Variants in GTF2H3 observed in about 807,000 individuals in gnomAD.
GTF2H3 encodes general transcription factor IIH subunit 3, also known as TFIIH basal transcription factor complex p34 subunit.
In GTF2H3, 42 loss-of-function variants were observed where a neutral mutation model predicts 51.1. The ratio of observed to expected loss-of-function variants is 0.82; its 90% CI spans 0.64 to 1.06. The LOEUF is 1.06. Ranked by LOEUF, GTF2H3 falls within the 50% of genes least tolerant of loss-of-function variation. The probability of loss-of-function intolerance (pLI) is 0.00; values close to 1 mark genes in which losing one functional copy is unlikely to be tolerated. For missense variants in GTF2H3, 326 were observed against 366.1 expected (o/e 0.89, Z 0.89); for synonymous variants, 123 against 123.8 (o/e 0.99, Z 0.04).
At chr12:123,634,548 G>A (rs1460016988) in intron 1 of GTF2H3, among the ~76,000 whole-genome samples, 1 of 152,222 alleles carries the variant, frequency 6.6e-6, no homozygotes, top group East Asian at 1.9e-4. Context: ...GATTGAGGAG[G>A]AGCTGTTTTA....
Position 123,661,576 on chromosome 12 carries a change from G to C in GTF2H3, c.*1341G>C, listed in dbSNP as rs1955658040. The C allele has an allele frequency of 6.6e-6, 1 of 150,396 alleles. No homozygotes were observed. The highest frequency in any genetic ancestry group is 1.5e-5 in the Non-Finnish European group (1 of 68,052). The allele number at this position is 150,396 out of a possible 1,614,324, so 9.3% of individuals were successfully genotyped here. On this transcript the variant is annotated 3_prime_UTR_variant, in exon 13 of 13. Transcript: ENST00000543341. ...GAATTGCTTGAATCCAGGAGGCAGA[G>C]GTTGCAGTGAGCCAAGATAGCGCCT...
intron 2 of GTF2H3, 80 bp from the exon 3 acceptor site, chr12:123,645,375 G>A (rs1955431896): frequency 1.5e-5 from 12 of 787,368 alleles, no homozygotes; most frequent in Non-Finnish European, 2.6e-5. Context: ...CAGCCTAAAC[G>A]ACATCTTAAT....
At chr12:123,642,721 CT>C (rs1470115731) in intron 2 of GTF2H3, among the ~76,000 whole-genome samples, 9 of 152,098 alleles carry the variant, frequency 5.9e-5, no homozygotes, top group Non-Finnish European at 8.8e-5. Flanking sequence ...CATATTACAC[CT>C]GCGCATGTTA....
At chr12:123,647,908 G>A in intron 3 of GTF2H3, 55 bp from the exon 4 acceptor site, 1 of 1,348,266 alleles carries the variant, frequency 7.4e-7, no homozygotes, top group Non-Finnish European at 1.0e-6. Context: ...CTGATCATGA[G>A]TGAGCCTGGG....
chr12:123,660,317 A>G lies in GTF2H3; in HGVS notation c.*82A>G, dbSNP rs778352412. Reference sequence around the variant, plus strand: ...CTTTGTTGGGAAGACTGAAAAAAATAAAGATAGGTATAGGATAATTTTTAA... The same window carrying G: ...CTTTGTTGGGAAGACTGAAAAAAATGAAGATAGGTATAGGATAATTTTTAA... On this transcript the variant is annotated 3_prime_UTR_variant, in exon 13 of 13. Transcript: ENST00000543341. 12 of 983,768 alleles carry G rather than the reference A, an allele frequency of 1.2e-5. No homozygotes were observed. Among genetic ancestry groups the G allele is most frequent in the Non-Finnish European group, 1.9e-5 (12 of 646,384 alleles). The allele number at this position is 983,768 out of a possible 1,614,324, so 60.9% of individuals were successfully genotyped here. A position where few individuals can be genotyped will look rare whatever the true frequency, so the allele number is the denominator to read the frequency against.
At chr12:123,640,173 T>C (rs950132105) in intron 2 of GTF2H3, among the ~76,000 whole-genome samples, 1 of 152,092 alleles carries the variant, frequency 6.6e-6, no homozygotes, top group African/African-American at 2.4e-5. Context: ...TCTTCATGTT[T>C]GTTCGTTTGT....
chr12:123,656,689 G>A (rs1402788906), intron 9 of GTF2H3, among the ~76,000 whole-genome samples: 9 of 152,156 alleles, frequency 5.9e-5, no homozygotes, highest in African/African-American at 1.9e-4. Flanking sequence ...CTCCCTAAGT[G>A]GCAGTGCAGT....
chr12:123,647,918 G>A (rs774570423), intron 3 of GTF2H3, 45 bp from the exon 4 acceptor site: 5 of 1,482,572 alleles, frequency 3.4e-6, no homozygotes, highest in Admixed American at 2.0e-5. Context: ...GTGAGCCTGG[G>A]CGGTGAGGCC....
At chr12:123,635,699 C>T (rs911726553) in intron 1 of GTF2H3, among the ~76,000 whole-genome samples, 1 of 152,148 alleles carries the variant, frequency 6.6e-6, no homozygotes, top group African/African-American at 2.4e-5. Flanking sequence ...AGGCGTGAGC[C>T]ACTACACCAG....
intron 8 of GTF2H3, 133 bp downstream of exon 8, chr12:123,655,131 A>G: frequency 1.4e-6 from 1 of 703,142 alleles, no homozygotes; most frequent in African/African-American, 1.8e-5. Flanking sequence ...AATCTGTATT[A>G]TGTTCTAGTC....
intron 2 of GTF2H3, among the ~76,000 whole-genome samples, chr12:123,644,196 C>G (rs897770572): frequency 1.3e-5 from 2 of 151,884 alleles, no homozygotes; most frequent in Non-Finnish European, 2.9e-5. Flanking sequence ...ATGAAAATAT[C>G]TACTTATGAA....
chr12:123,637,059 T>A (rs184718140), intron 1 of GTF2H3, among the ~76,000 whole-genome samples: 3 of 152,324 alleles, frequency 2.0e-5, no homozygotes, highest in Non-Finnish European at 2.9e-5. Context: ...TACTCCAACC[T>A]TGAGACCTTG....
Position 123,659,941 on chromosome 12 carries a change from G to A in GTF2H3, c.820+11G>A, listed in dbSNP as rs751955673. On this transcript the variant is annotated intron_variant, in intron 11 of 12. Transcript: ENST00000543341. ...CTGTGTGTTTGTCAAGTAAGTTAAT[G>A]TACCTAGTTTTTCTTTTTTTTCTAT... The A allele has an allele frequency of 2.1e-5, 33 of 1,609,748 alleles. No individual in the cohort carries two copies. The highest frequency in any genetic ancestry group is 2.6e-5 in the Non-Finnish European group (31 of 1,179,116).
chr12:123,645,490 G>C lies in GTF2H3; in HGVS notation c.129G>C (p.Val43=), dbSNP rs1473617343. The C allele has an allele frequency of 6.2e-7, 1 of 1,608,956 alleles. No homozygotes were observed. The highest frequency in any genetic ancestry group is 1.7e-5 in the Admixed American group (1 of 59,974). The change falls in exon 3 of 13, where the codon GTG becomes GTC. Residue 43 remains valine, a synonymous_variant. Transcript: ENST00000543341. The part of the protein sequence containing the change: ...TLSKCIDAVM[V]LGNSHLFMNR... ...CCAAATGCATAGATGCCGTGATGGT[G>C]CTGGGAAATTCGCATTTATTCATGA...
At chr12:123,639,401 C>G (rs1163827927) in intron 2 of GTF2H3, 58 bp downstream of exon 2, 2 of 820,502 alleles carry the variant, frequency 2.4e-6, no homozygotes, top group Admixed American at 4.4e-5. Context: ...GTTTATATTG[C>G]TTTTTTAAAA....
At chr12:123,649,212 C>CCCAACTCGGCCTT (rs1376114435) in intron 4 of GTF2H3, 3 of 152,250 alleles carry the variant, frequency 2.0e-5, no homozygotes, top group Non-Finnish European at 4.4e-5. Flanking sequence ...AGTTGATCCA[C>CCCAACTCGGCCTT]CCAACTCGGC....
At chr12:123,650,750 T>G (rs1955510086) in intron 4 of GTF2H3, among the ~76,000 whole-genome samples, 1 of 152,178 alleles carries the variant, frequency 6.6e-6, no homozygotes, top group Admixed American at 6.5e-5. Flanking sequence ...CCCCCTGCCC[T>G]CTGGCTAGCC....
In GTF2H3 at chr12:123,648,066, G is replaced by C. The variant is rs778084086; in HGVS notation, c.304G>C (p.Glu102Gln). The C allele has an allele frequency of 6.2e-7, 1 of 1,611,974 alleles. No homozygotes were observed. Among genetic ancestry groups the C allele is most frequent in the East Asian group, 2.2e-5 (1 of 44,846 alleles). The change falls in exon 4 of 13, where the codon GAA becomes CAA. Residue 102 changes from glutamate (E) to glutamine (Q), a missense_variant. Physicochemically the swap from Glu to Gln is conservative, Grantham distance 29. Transcript: ENST00000543341. The stretch of plus-strand genomic sequence containing the variant: ...CTCTGGGAGTAAAGATGGAAAATAC[G>C]AACTTTTAACCTCAGCAAATGAAGT... ...NPSGSKDGKYELLTSANEVIV... is the reference protein window; with the variant it reads ...NPSGSKDGKYQLLTSANEVIV...
chr12:123,641,275 G>A lies in GTF2H3; in HGVS notation c.93+1932G>A, dbSNP rs543631810. Among the ~76,000 whole-genome samples the A allele has an allele frequency of 4.0e-5, 6 of 151,288 alleles. No homozygotes were observed. The South Asian group carries it at 6.3e-4, about 16-fold the overall frequency. ...GGAGTTTCGCTCTGTCACCCAGGTC[G>A]GAGTGCAGTGGTGTGATCTCTGCTC... is the stretch of plus-strand genomic sequence containing the variant. On this transcript the variant is annotated intron_variant, in intron 2 of 12. Transcript: ENST00000543341.
Sources: allele counts gnomAD v4.1 joint callset (sites outside exome capture counted in the v4.1 genomes callset), GRCh38; gene constraint gnomAD v4.1.1; transcripts MANE v1.5; gene names NCBI Gene and HGNC (gene_info 2026-07-23, HGNC 2026-07-21).